The following DST variants were observed in gnomAD, a reference collection of about 807,000 sequenced individuals.
DST encodes dystonin.
In DST, 253 loss-of-function variants were observed where a neutral mutation model predicts 875.2. The ratio of observed to expected loss-of-function variants is 0.29; its 90% CI spans 0.26 to 0.32. The LOEUF is 0.32. DST is among the 10% of genes least tolerant of loss of function. DST has a pLI of 1.00. For synonymous variants in DST, 3,124 were observed against 3,197.1 expected (o/e 0.98, Z 0.77); for missense variants, 8,287 against 9,111.6 (o/e 0.91, Z 3.68).
chr6:56,948,882 T>C (rs1178224309), intron 2 of DST, among the ~76,000 whole-genome samples: 2 of 152,234 alleles, frequency 1.3e-5, no homozygotes, highest in Non-Finnish European at 2.9e-5. Flanking sequence ...TGACACTTTG[T>C]ATGTAGTAGA....
chr6:56,464,443 C>A, intron 100 of DST: 1 of 534,582 alleles, frequency 1.9e-6, no homozygotes. Context: ...GAACACTCCA[C>A]AAGAACCCGG....
chr6:56,467,043 G>A (rs1335471300), intron 98 of DST: 8 of 152,058 alleles, frequency 5.3e-5, no homozygotes, highest in African/African-American at 1.7e-4. Context: ...CTGATCACAG[G>A]TTTATGTTTT....
chr6:56,872,718 T>C (rs181960736), intron 3 of DST, among the ~76,000 whole-genome samples: 1 of 152,156 alleles, frequency 6.6e-6, no homozygotes, highest in African/African-American at 2.4e-5. Context: ...ATCTTAGCTT[T>C]TGTTTTGAGT....
intron 49 of DST, among the ~76,000 whole-genome samples, chr6:56,580,395 A>T (rs971726606): frequency 3.3e-5 from 5 of 152,002 alleles, no homozygotes; most frequent in Non-Finnish European, 7.4e-5. Flanking sequence ...AAAAAAAATT[A>T]AAAAATTAGC....
chr6:56,598,799 C>T (rs1586178569), intron 45 of DST, 90 bp from the exon 46 acceptor site: 1 of 676,016 alleles, frequency 1.5e-6, no homozygotes, highest in African/African-American at 2.1e-5. Flanking sequence ...AGAGTGAGTA[C>T]AGAGAGAGTC....
At chr6:56,824,104 C>T (rs994403519) in intron 4 of DST, among the ~76,000 whole-genome samples, 11 of 152,166 alleles carry the variant, frequency 7.2e-5, no homozygotes, top group Non-Finnish European at 1.5e-4. Context: ...ACTGCAACCT[C>T]CCTGCCTGAT....
At chr6:56,834,960 C>T (rs1268737845) in intron 4 of DST, among the ~76,000 whole-genome samples, 2 of 152,152 alleles carry the variant, frequency 1.3e-5, no homozygotes, top group African/African-American at 2.4e-5. Context: ...GTCCTTCAGT[C>T]GGTGAATGGA....
At chr6:56,545,123 C>T (rs2097201423) in intron 61 of DST, among the ~76,000 whole-genome samples, 1 of 152,032 alleles carries the variant, frequency 6.6e-6, no homozygotes, top group African/African-American at 2.4e-5. Flanking sequence ...TGTGATCCTC[C>T]TGTCTCAGCC....
At chr6:56,495,801 C>T (rs547978372) in intron 82 of DST, among the ~76,000 whole-genome samples, 16 of 152,122 alleles carry the variant, frequency 1.1e-4, no homozygotes, top group African/African-American at 3.9e-4. Context: ...AAATTCTACA[C>T]CGAATTAGTA....
At chr6:56,742,400 A>G in intron 4 of DST, 2 of 1,264,762 alleles carry the variant, frequency 1.6e-6, no homozygotes, top group Non-Finnish European at 2.1e-6. Context: ...CTGATGTGTC[A>G]GAGTCCTGTT....
At chr6:56,482,235 A>C in intron 89 of DST, 57 bp from the exon 90 acceptor site, 1 of 1,570,870 alleles carries the variant, frequency 6.4e-7, no homozygotes, top group Non-Finnish European at 8.7e-7. Flanking sequence ...GCCTGTTAGC[A>C]CAATTTACAA....
In DST at chr6:56,639,250, C is replaced by A; in HGVS notation, c.2964+9G>T. On this transcript the variant is annotated intron_variant, in intron 22 of 103. Coordinates refer to ENST00000680361, the MANE Select transcript of DST (RefSeq NM_001374736.1). ...ATTCAACCAACACCATTACACTTTC[C>A]AGCTTTACCTCAATAGTTAACCGGG... The A allele has an allele frequency of 6.2e-7, 1 of 1,605,412 alleles. No homozygotes were observed. The highest frequency in any genetic ancestry group is 2.2e-5 in the East Asian group (1 of 44,802).
At chr6:56,502,277 T>C (rs562822050) in intron 78 of DST, among the ~76,000 whole-genome samples, 1 of 152,270 alleles carries the variant, frequency 6.6e-6, no homozygotes, top group African/African-American at 2.4e-5. Flanking sequence ...AACCAACAGG[T>C]TAGCAAACAG....
At chr6:56,533,934 T>C (rs1375151084) in intron 63 of DST, among the ~76,000 whole-genome samples, 1 of 152,186 alleles carries the variant, frequency 6.6e-6, no homozygotes, top group African/African-American at 2.4e-5. Context: ...TTTTTGTTTT[T>C]TTCCATTTTT....
At chr6:56,669,210 T>C (rs1337033124) in intron 10 of DST, among the ~76,000 whole-genome samples, 1 of 150,606 alleles carries the variant, frequency 6.6e-6, no homozygotes, top group Non-Finnish European at 1.5e-5. Flanking sequence ...AGTTTATATA[T>C]AGTTTATAAT....
chr6:56,692,342 C>T, intron 9 of DST: 1 of 1,033,186 alleles, frequency 9.7e-7, no homozygotes, highest in Non-Finnish European at 1.3e-6. Context: ...GATGTGAGCA[C>T]CTGGAACACT....
At chr6:56,685,350 T>C (rs2099177870) in intron 9 of DST, among the ~76,000 whole-genome samples, 1 of 152,190 alleles carries the variant, frequency 6.6e-6, no homozygotes. Flanking sequence ...TTAATGATGT[T>C]GATACTTCGC....
At chr6:56,574,005 TC>T (rs2097822568) in intron 50 of DST, 118 bp from the exon 51 acceptor site, 1 of 704,670 alleles carries the variant, frequency 1.4e-6, no homozygotes, top group African/African-American at 1.8e-5. Context: ...AATAAAAAGT[TC>T]AATGATAAAT....
At chr6:56,508,374 T>C (rs997530685) in intron 75 of DST, among the ~76,000 whole-genome samples, 155 bp downstream of exon 75, 1 of 152,168 alleles carries the variant, frequency 6.6e-6, no homozygotes, top group African/African-American at 2.4e-5. Context: ...GTGAAATTTG[T>C]GGGTATACTC....
Sources: gnomAD v4.1 joint callset for allele counts (sites outside exome capture counted in the v4.1 genomes callset) on GRCh38, gnomAD v4.1.1 for gene constraint, MANE v1.5 for transcripts, NCBI Gene and HGNC (gene_info 2026-07-23, HGNC 2026-07-21) for gene names.